The following KIF1C variants were observed in gnomAD, a reference collection of about 807,000 sequenced individuals.
The protein encoded by KIF1C is kinesin family member 1C.
KIF1C carries 61 observed loss-of-function variants against 126.5 expected under a neutral mutation model. The ratio of observed to expected loss-of-function variants is 0.48; its 90% CI spans 0.39 to 0.60. The LOEUF (loss-of-function observed/expected upper bound fraction) is 0.60, where lower values mean the gene tolerates loss of function less well. KIF1C is among the 20% of genes least tolerant of loss of function. The pLI is 0.00. For synonymous variants in KIF1C, 640 were observed against 580.6 expected (o/e 1.10, Z -1.47); for missense variants, 1,315 against 1,489.2 (o/e 0.88, Z 1.93).
At chr17:5,007,201 G>A in intron 14 of KIF1C, 62 bp from the exon 15 acceptor site, 1 of 1,552,152 alleles carries the variant, frequency 6.4e-7, no homozygotes, top group Non-Finnish European at 8.8e-7. Flanking sequence ...AGGGTAGGTT[G>A]TCCCTACCCT....
intron 8 of KIF1C, 65 bp downstream of exon 8, chr17:5,002,907 C>T (rs1162520223): frequency 8.3e-6 from 11 of 1,332,650 alleles, no homozygotes; most frequent in South Asian, 1.2e-5. Context: ...GGGACAGTGA[C>T]ATGGTAGAAG....
chr17:4,999,268 G>A (rs1013483921), intron 1 of KIF1C, among the ~76,000 whole-genome samples: 5 of 152,190 alleles, frequency 3.3e-5, no homozygotes, highest in Admixed American at 2.0e-4. Context: ...GTGCATGGAG[G>A]TTGTGGGCCT....
At chr17:5,015,818 A>C (rs1007382728) in intron 18 of KIF1C, among the ~76,000 whole-genome samples, 1 of 148,792 alleles carries the variant, frequency 6.7e-6, no homozygotes, top group Non-Finnish European at 1.5e-5. Flanking sequence ...CTGGTCTTGA[A>C]CTCCTGATCT....
In KIF1C at chr17:5,000,269, T is replaced by C. The variant is rs1261572906; in HGVS notation, c.23T>C (p.Val8Ala). MAGASVK[V>A]AVRVRPFNAR... ...GCTATGGCTGGTGCCTCGGTGAAAG[T>C]GGCAGTGAGGGTTCGGCCCTTTAAC... Residue 8 changes from valine to alanine, a missense_variant, in exon 3 of 23, where the codon GTG (valine) becomes GCG (alanine). Val to Ala is a moderately conservative substitution (Grantham distance 64). This residue lies in a region of KIF1C where 874 missense variants were observed against 1,053.2 expected (regional missense o/e 0.83). Coordinates refer to ENST00000320785, the MANE Select transcript of KIF1C (RefSeq NM_006612.6). 4.4e-6 allele frequency: 7 copies of C among 1,579,518 alleles called. No homozygotes were observed. Among genetic ancestry groups the C allele is most frequent in the East Asian group, 2.4e-5 (1 of 42,440 alleles).
At chr17:5,013,772 T>A (rs766707361) in intron 17 of KIF1C, 40 bp downstream of exon 17, 30 of 1,536,358 alleles carry the variant, frequency 2.0e-5, no homozygotes, top group Non-Finnish European at 2.7e-5. Flanking sequence ...GCCTCTGCTT[T>A]TGGGGTGTGG....
chr17:5,013,667 G>C lies in KIF1C; in HGVS notation c.1506G>C (p.Val502=). 1 of 1,613,704 alleles carries C rather than the reference G, an allele frequency of 6.2e-7. No homozygotes were observed. The highest frequency in any genetic ancestry group is 1.3e-5 in the African/African-American group (1 of 75,036). The change falls in exon 17 of 23, where the codon GTG becomes GTC. Residue 502 remains valine (V), a synonymous_variant. Coordinates refer to ENST00000320785, the MANE Select transcript of KIF1C (RefSeq NM_006612.6). The part of the protein sequence containing the change: ...VFSPKKTPHL[V]NLNEDPLMSE... ...TCCCCGCTTAGACTCCCCACCTGGT[G>C]AACCTGAACGAAGACCCTCTGATGT... is the stretch of plus-strand genomic sequence containing the variant.
In KIF1C at chr17:5,000,281, T is replaced by TGCC; in HGVS notation, c.35_36insGCC (p.Val12_Arg13insPro). The stretch of plus-strand genomic sequence containing the variant: ...GCCTCGGTGAAAGTGGCAGTGAGGG[T>TGCC]TCGGCCCTTTAACGCCCGTGAGACC... On this transcript the variant is annotated inframe_insertion, in exon 3 of 23. Transcript: ENST00000320785. 1 of 1,583,020 alleles carries TGCC rather than the reference T, an allele frequency of 6.3e-7. No individual in the cohort carries two copies. Among genetic ancestry groups the TGCC allele is most frequent in the Middle Eastern group, 1.8e-4 (1 of 5,526 alleles).
rs765633266 is a variant in KIF1C at position 5,003,711 on chromosome 17, G to T, written c.798+22G>T. Reference sequence around the variant, plus strand: ...GAAGGTGAGGGGCCTTCAGAGGGTGGTTTGTTGTGGGGCAGTGTTGTGGGC... The same window carrying T: ...GAAGGTGAGGGGCCTTCAGAGGGTGTTTTGTTGTGGGGCAGTGTTGTGGGC... On this transcript the variant is annotated intron_variant, in intron 9 of 22. Transcript: ENST00000320785. The T allele has an allele frequency of 1.9e-6, 3 of 1,607,514 alleles. No homozygotes were observed. In the East Asian group the frequency reaches 6.7e-5, roughly 36 times the overall value.
rs1210126617 is a variant in KIF1C at position 5,025,921 on chromosome 17, A to G, written c.*1770A>G. 6.6e-6 allele frequency: 1 copy of G among 152,228 alleles called. No homozygotes were observed. Among genetic ancestry groups the G allele is most frequent in the Non-Finnish European group, 1.5e-5 (1 of 68,050 alleles). 9.4% of individuals were successfully genotyped at this position (152,228 alleles called of 1,614,324 possible). The stretch of plus-strand genomic sequence containing the variant: ...ACATTGCCAGGATTTTGCAGGTTAG[A>G]TTGTACTACAGCACTGCCTTTGGCT... On this transcript the variant is annotated 3_prime_UTR_variant, in exon 23 of 23. Transcript: ENST00000320785.
At chr17:5,010,958 C>A (rs1423504120) in intron 16 of KIF1C, among the ~76,000 whole-genome samples, 1 of 151,584 alleles carries the variant, frequency 6.6e-6, no homozygotes, top group African/African-American at 2.4e-5. Context: ...CTACAGGCGC[C>A]CACCACCACT....
At chr17:5,009,033 TAC>T (rs1974798931) in intron 16 of KIF1C, among the ~76,000 whole-genome samples, 1 of 151,338 alleles carries the variant, frequency 6.6e-6, no homozygotes, top group Admixed American at 6.6e-5. Flanking sequence ...ATAAAGGTAA[TAC>T]ACACCAGAGA....
chr17:5,000,658 C>T (rs2143305948), intron 3 of KIF1C, 114 bp from the exon 4 acceptor site: 1 of 979,692 alleles, frequency 1.0e-6, no homozygotes, highest in Non-Finnish European at 1.6e-6. Flanking sequence ...AGAGAAGAGT[C>T]AGGACAGTGG....
chr17:5,018,258 G>T (rs1022052710), intron 18 of KIF1C, among the ~76,000 whole-genome samples: 1 of 152,060 alleles, frequency 6.6e-6, no homozygotes, highest in Admixed American at 6.5e-5. Flanking sequence ...TGGGATTACA[G>T]GCGTGAGCCA....
Position 5,004,836 on chromosome 17 carries a change from C to T in KIF1C, c.1020-19C>T. The T allele has an allele frequency of 1.2e-6, 2 of 1,614,138 alleles. No homozygotes were observed. The highest frequency in any genetic ancestry group is 1.1e-5 in the South Asian group (1 of 91,086). ...CCCCTGCCCCCAGGCCTCACCGACCCTGCTCCTCTGTCACCCAGGTATGCT... is the reference window on the plus strand; with the variant it reads ...CCCCTGCCCCCAGGCCTCACCGACCTTGCTCCTCTGTCACCCAGGTATGCT... On this transcript the variant is annotated intron_variant, in intron 12 of 22. Transcript: ENST00000320785.
chr17:4,998,730 G>A (rs753428368), intron 1 of KIF1C, among the ~76,000 whole-genome samples: 4 of 152,174 alleles, frequency 2.6e-5, no homozygotes, highest in Non-Finnish European at 4.4e-5. Flanking sequence ...ACCCTCCCAT[G>A]CTCTGCCCAG....
In KIF1C at chr17:5,026,278, A is replaced by G. The variant is rs1975206566; in HGVS notation, c.*2127A>G. On this transcript the variant is annotated 3_prime_UTR_variant, in exon 23 of 23. Transcript: ENST00000320785. ...TTTAAAATCTGGCCAGGGAGACTCA[A>G]TGTGAGCAAGAAAATGATAGAATAC... is the stretch of plus-strand genomic sequence containing the variant. The G allele has an allele frequency of 6.6e-6, 1 of 152,226 alleles. No homozygotes were observed. Among genetic ancestry groups the G allele is most frequent in the Non-Finnish European group, 1.5e-5 (1 of 68,060 alleles). The allele number at this position is 152,226 out of a possible 1,614,324, so 9.4% of individuals were successfully genotyped here.
chr17:5,006,990 C>T lies in KIF1C; in HGVS notation c.1241C>T (p.Ser414Leu), dbSNP rs745355114. The part of the protein sequence containing the change: ...VSSPPAPVSP[S>L]SPTTHNGELE... The stretch of plus-strand genomic sequence containing the variant: ...TCTCCCCCAGCTCCAGTTTCACCCT[C>T]ATCACCCACCACACATAATGGGGAG... The change falls in exon 14 of 23, where the codon TCA (serine) becomes TTA (leucine). Residue 414 changes from serine to leucine, a missense_variant. Coordinates refer to ENST00000320785, the MANE Select transcript of KIF1C (RefSeq NM_006612.6). 6.2e-7 allele frequency: 1 copy of T among 1,612,238 alleles called. No individual in the cohort carries two copies. Among genetic ancestry groups the T allele is most frequent in the South Asian group, 1.1e-5 (1 of 90,904 alleles).
chr17:5,004,291 AT>A (rs1330905722), intron 11 of KIF1C, among the ~76,000 whole-genome samples: 3 of 152,032 alleles, frequency 2.0e-5, no homozygotes, highest in African/African-American at 7.2e-5. Flanking sequence ...CTGGCTACTC[AT>A]GACCCCTCCC....
At chr17:5,008,702 G>T (rs1048004155) in intron 16 of KIF1C, among the ~76,000 whole-genome samples, 2 of 152,246 alleles carry the variant, frequency 1.3e-5, no homozygotes, top group African/African-American at 4.8e-5. Context: ...AGCTGTGGGC[G>T]GTAGGCCAGG....
Sources: gnomAD v4.1 joint callset for allele counts (sites outside exome capture counted in the v4.1 genomes callset) on GRCh38, gnomAD v4.1.1 for gene constraint, gnomAD v4.1.1 regional missense constraint, MANE v1.5 for transcripts, NCBI Gene and HGNC (gene_info 2026-07-23, HGNC 2026-07-21) for gene names.